RASAL2: variants seen among roughly 807,000 people sequenced by gnomAD.
RASAL2 encodes ras GTPase-activating protein nGAP.
Under a neutral mutation model 128.9 loss-of-function variants are expected in RASAL2, and 58 were observed. That is an observed-to-expected ratio of 0.45 (90% CI 0.36 to 0.56). The LOEUF (loss-of-function observed/expected upper bound fraction) is 0.56, where lower values mean the gene tolerates loss of function less well. Ranked by LOEUF, RASAL2 falls within the 20% of genes least tolerant of loss-of-function variation. The pLI is 0.00. For missense variants in RASAL2, 1,360 were observed against 1,601.6 expected (o/e 0.85, Z 2.57); for synonymous variants, 561 against 580.8 (o/e 0.97, Z 0.49).
chr1:178,438,395 CTTTACACA>C (rs1016896379), intron 5 of RASAL2, among the ~76,000 whole-genome samples: 6 of 151,854 alleles, frequency 4.0e-5, no homozygotes, highest in African/African-American at 1.5e-4. Flanking sequence ...AAACAATTGT[CTTTACACA>C]AGGCATTTCT....
intron 3 of RASAL2, among the ~76,000 whole-genome samples, chr1:178,377,629 A>G (rs768403213): frequency 2.0e-5 from 3 of 152,154 alleles, no homozygotes; most frequent in Non-Finnish European, 4.4e-5. Context: ...AGTTGAAGTT[A>G]GAAAAATCTC....
At chr1:178,108,099 C>T (rs1411158575) in intron 1 of RASAL2, among the ~76,000 whole-genome samples, 1 of 152,164 alleles carries the variant, frequency 6.6e-6, no homozygotes, top group Non-Finnish European at 1.5e-5. Flanking sequence ...CCAGTTACTC[C>T]ACTTCCTTAC....
chr1:178,451,150 C>G (rs906279205), intron 9 of RASAL2, among the ~76,000 whole-genome samples: 1 of 152,196 alleles, frequency 6.6e-6, no homozygotes, highest in Admixed American at 6.5e-5. Flanking sequence ...AACATTAGCA[C>G]TTAAAACCTT....
At chr1:178,288,642 CTTTTTTTTTTT>C (rs60150701) in intron 2 of RASAL2, among the ~76,000 whole-genome samples, 32 of 97,306 alleles carry the variant, frequency 3.3e-4, no homozygotes, top group African/African-American at 1.3e-3. Flanking sequence ...CTTTCTCTCT[CTTTTTTTTTTT>C]TTTTTTTTTT....
chr1:178,138,657 G>C (rs144728641), intron 1 of RASAL2, among the ~76,000 whole-genome samples: 201 of 152,180 alleles, frequency 1.3e-3, no homozygotes, highest in African/African-American at 4.7e-3. Flanking sequence ...CTGAAATCAG[G>C]ATACATGTTT....
chr1:178,237,988 TTTA>T (rs1447813668), intron 1 of RASAL2, among the ~76,000 whole-genome samples: 5 of 152,184 alleles, frequency 3.3e-5, no homozygotes, highest in African/African-American at 7.2e-5. Context: ...TTTTGTACAG[TTTA>T]TTTTTAGTAT....
intron 3 of RASAL2, among the ~76,000 whole-genome samples, chr1:178,307,276 T>TA (rs908471880): frequency 9.9e-5 from 15 of 151,492 alleles, no homozygotes; most frequent in Non-Finnish European, 1.9e-4. Context: ...TAATTACTTT[T>TA]AAAAAAAAAA....
In RASAL2 at chr1:178,442,706, G is replaced by A. The variant is rs779930537; in HGVS notation, c.959G>A (p.Arg320His). 16 of 1,611,850 alleles carry A rather than the reference G, an allele frequency of 9.9e-6. No homozygotes were observed. In the African/African-American group the frequency reaches 1.1e-4, roughly 11 times the overall value. ...TGCAGGCGAGCTGAAAATGTTCTTC[G>A]TTTATGGATCATTGAAGCCAAGGAC... ...DNCRRAENVLRLWIIEAKDLA... is the reference protein window; with the variant it reads ...DNCRRAENVLHLWIIEAKDLA... Residue 320 changes from arginine (R) to histidine (H), a missense_variant, in exon 8 of 18, where the codon CGT becomes CAT. Coordinates refer to ENST00000367649, the MANE Select transcript of RASAL2 (RefSeq NM_170692.4).
In RASAL2 at chr1:178,121,854, G is replaced by T. The variant is rs149399615; in HGVS notation, c.202+27160G>T. Among the ~76,000 whole-genome samples, 5 of 152,114 alleles carry T rather than the reference G, an allele frequency of 3.3e-5. No homozygotes were observed. In the East Asian group the frequency reaches 9.7e-4, roughly 29 times the overall value. Reference sequence around the variant, plus strand: ...CTGAGTTTCTTTCATGTTACTCTGTGTATAGCTTAAAACAAAACAATAACA... The same window carrying T: ...CTGAGTTTCTTTCATGTTACTCTGTTTATAGCTTAAAACAAAACAATAACA... On this transcript the variant is annotated intron_variant, in intron 1 of 17. Transcript: ENST00000367649.
chr1:178,094,757 T>G, intron 1 of RASAL2, 63 bp downstream of exon 1: 1 of 1,585,570 alleles, frequency 6.3e-7, no homozygotes, highest in Admixed American at 1.7e-5. Context: ...TGAAATTCAT[T>G]CCCTAAGTCA....
intron 1 of RASAL2, among the ~76,000 whole-genome samples, chr1:178,178,368 A>G (rs906657867): frequency 2.0e-5 from 3 of 152,144 alleles, no homozygotes; most frequent in Middle Eastern, 3.2e-3. Context: ...AAATCATTCA[A>G]ATCATTACTT....
At position 178,458,531 on chromosome 1, in the gene RASAL2, A is replaced by G; in HGVS notation, c.3239A>G (p.Gln1080Arg). The change falls in exon 14 of 18, where the codon CAA becomes CGA. Residue 1080 changes from glutamine to arginine, a missense_variant. Transcript: ENST00000367649. ...CCCAAAGTTAGAGCAATCCAGAGAC[A>G]ACAGACACAGCAGGTAGGTGTGAGT... ...PVPKVRAIQR[Q>R]QTQQVQSPVD... 1.9e-6 allele frequency: 3 copies of G among 1,610,150 alleles called. No homozygotes were observed. The highest frequency in any genetic ancestry group is 4.5e-5 in the East Asian group (2 of 44,856).
chr1:178,134,200 T>A lies in RASAL2; in HGVS notation c.202+39506T>A, dbSNP rs563881073. Among the ~76,000 whole-genome samples the A allele has an allele frequency of 1.2e-4, 18 of 152,244 alleles. 2 individuals are homozygous for A. The South Asian group carries it at 3.7e-3, about 32-fold the overall frequency. ...GCAAGGCTGAAGTCATCTGAAGGCC[T>A]CTTTGGGGTGGGAGGATGGCTATTG... On this transcript the variant is annotated intron_variant, in intron 1 of 17. Coordinates refer to ENST00000367649, the MANE Select transcript of RASAL2 (RefSeq NM_170692.4).
intron 3 of RASAL2, among the ~76,000 whole-genome samples, chr1:178,388,842 T>G (rs1672733007): frequency 1.3e-5 from 2 of 152,198 alleles, no homozygotes; most frequent in East Asian, 3.8e-4. Context: ...TTTCAGTAAC[T>G]GAGGGAAGGC....
intron 4 of RASAL2, among the ~76,000 whole-genome samples, chr1:178,393,651 C>T (rs1285049109): frequency 2.6e-5 from 4 of 152,166 alleles, no homozygotes; most frequent in Non-Finnish European, 4.4e-5. Flanking sequence ...AGGAGAGTTT[C>T]TTCCTTCTTT....
chr1:178,417,598 C>T (rs1230357962), intron 4 of RASAL2, among the ~76,000 whole-genome samples: 1 of 151,688 alleles, frequency 6.6e-6, no homozygotes, highest in Non-Finnish European at 1.5e-5. Flanking sequence ...ACCATCTCTA[C>T]CAAAAATACA....
At chr1:178,289,328 T>G (rs1667174946) in intron 2 of RASAL2, among the ~76,000 whole-genome samples, 1 of 152,194 alleles carries the variant, frequency 6.6e-6, no homozygotes, top group African/African-American at 2.4e-5. Context: ...TTGAGTCATC[T>G]TTACAGATTT....
intron 1 of RASAL2, among the ~76,000 whole-genome samples, chr1:178,097,635 A>G (rs1035550705): frequency 6.6e-6 from 1 of 152,238 alleles, no homozygotes; most frequent in Non-Finnish European, 1.5e-5. Flanking sequence ...TAGGATAATA[A>G]TAAGGAACTT....
At chr1:178,199,647 A>G (rs73051445) in intron 1 of RASAL2, among the ~76,000 whole-genome samples, 2,049 of 152,318 alleles carry the variant, frequency 0.013, 47 homozygotes, top group African/African-American at 0.046. Context: ...ATATGTGCAC[A>G]TGTGAATATG....
Sources: allele counts gnomAD v4.1 joint callset (sites outside exome capture counted in the v4.1 genomes callset), GRCh38; gene constraint gnomAD v4.1.1; transcripts MANE v1.5; gene names NCBI Gene and HGNC (gene_info 2026-07-23, HGNC 2026-07-21).